DTNA: variants seen among roughly 807,000 people sequenced by gnomAD.
DTNA encodes dystrobrevin alpha.
Under a neutral mutation model 100.7 loss-of-function variants are expected in DTNA, and 43 were observed. The ratio of observed to expected loss-of-function variants is 0.43; its 90% CI spans 0.33 to 0.55. The LOEUF (loss-of-function observed/expected upper bound fraction) is 0.55. Among genes scored for constraint, DTNA ranks in the 20% least tolerant of loss-of-function variants. The pLI is 0.04. For synonymous variants in DTNA, 349 were observed against 347.9 expected (o/e 1.00, Z -0.04); for missense variants, 798 against 953.9 (o/e 0.84, Z 2.15).
intron 1 of DTNA, among the ~76,000 whole-genome samples, chr18:34,499,141 C>T (rs1483462949): frequency 6.6e-6 from 1 of 152,182 alleles, no homozygotes; most frequent in Non-Finnish European, 1.5e-5. Flanking sequence ...AACTACCACC[C>T]ACCTCCAACC....
At chr18:34,628,083 G>A (rs895994632) in intron 1 of DTNA, among the ~76,000 whole-genome samples, 4 of 152,066 alleles carry the variant, frequency 2.6e-5, no homozygotes, top group Non-Finnish European at 5.9e-5. Context: ...GAGCCACTGC[G>A]CCTGGCACAA....
intron 1 of DTNA, among the ~76,000 whole-genome samples, chr18:34,626,391 A>T (rs777570479): frequency 6.6e-6 from 1 of 152,136 alleles, no homozygotes; most frequent in Non-Finnish European, 1.5e-5. Context: ...AGAAAGATTT[A>T]TGTCCAAAAA....
chr18:34,832,245 T>C (rs1020711215), intron 11 of DTNA, among the ~76,000 whole-genome samples: 2 of 152,234 alleles, frequency 1.3e-5, no homozygotes, highest in African/African-American at 4.8e-5. Context: ...TTTCTCATTC[T>C]TTTCAAACTT....
intron 15 of DTNA, 64 bp downstream of exon 15, chr18:34,851,992 C>A: frequency 3.9e-6 from 6 of 1,545,124 alleles, no homozygotes; most frequent in South Asian, 2.3e-5. Context: ...AAACTATGGT[C>A]GTGCTTTAAA....
At chr18:34,657,236 A>G (rs2074517454) in intron 1 of DTNA, among the ~76,000 whole-genome samples, 1 of 152,212 alleles carries the variant, frequency 6.6e-6, no homozygotes, top group Non-Finnish European at 1.5e-5. Context: ...GTCCATTGGA[A>G]TCAGATAATG....
At chr18:34,700,876 C>G (rs1001876446) in intron 1 of DTNA, among the ~76,000 whole-genome samples, 13 of 152,308 alleles carry the variant, frequency 8.5e-5, no homozygotes, top group African/African-American at 3.1e-4. Context: ...AGATAGACTC[C>G]CTCTTCCTTA....
At chr18:34,699,599 G>GC (rs1234596639) in intron 1 of DTNA, among the ~76,000 whole-genome samples, 3 of 152,148 alleles carry the variant, frequency 2.0e-5, no homozygotes, top group Non-Finnish European at 4.4e-5. Context: ...AATACACAAT[G>GC]CCCCGCAGAC....
intron 1 of DTNA, among the ~76,000 whole-genome samples, chr18:34,577,146 G>A (rs922323797): frequency 2.6e-5 from 4 of 152,052 alleles, no homozygotes; most frequent in African/African-American, 9.7e-5. Flanking sequence ...CATTTTAGCT[G>A]TATGTATTTG....
chr18:34,818,341 G>A lies in DTNA; in HGVS notation c.876+11G>A, dbSNP rs1467230855. The A allele has an allele frequency of 1.9e-6, 3 of 1,613,238 alleles. No homozygotes were observed. In the Admixed American group the frequency reaches 5.0e-5, roughly 27 times the overall value. On this transcript the variant is annotated intron_variant, in intron 8 of 22. Coordinates refer to ENST00000444659, the MANE Select transcript of DTNA (RefSeq NM_001386795.1). ...GAGTACACGTCATGGGTAAGGCAAG[G>A]TCCAGGCAATACTTGGAGTTGGATG...
intron 1 of DTNA, among the ~76,000 whole-genome samples, chr18:34,668,780 G>A (rs1458057971): frequency 6.6e-6 from 1 of 152,006 alleles, no homozygotes; most frequent in African/African-American, 2.4e-5. Context: ...ATTGCACTGT[G>A]GTCTGAGAGA....
At chr18:34,542,535 A>G (rs16965408) in intron 1 of DTNA, among the ~76,000 whole-genome samples, 11,868 of 152,124 alleles carry the variant, frequency 0.078, 501 homozygotes, top group South Asian at 0.11. Context: ...CTACACTGCC[A>G]AAGTGTTTCA....
rs191331913 is a variant in DTNA at position 34,516,416 on chromosome 18, A to G, written c.-2+22902A>G. 2.1e-3 allele frequency among the ~76,000 whole-genome samples: 318 copies of G among 152,164 alleles called. 7 individuals carry two copies. The highest frequency in any genetic ancestry group is 0.017 in the Admixed American group (255 of 15,234). On this transcript the variant is annotated intron_variant, in intron 1 of 19. Transcript: ENST00000283365. The stretch of plus-strand genomic sequence containing the variant: ...TTTCATGTCCCACTGGGCACGCGTT[A>G]TCATTGATAACATCTTATCAGGAGA...
intron 1 of DTNA, among the ~76,000 whole-genome samples, chr18:34,570,427 G>T (rs1369993779): frequency 6.6e-6 from 1 of 152,056 alleles, no homozygotes; most frequent in Non-Finnish European, 1.5e-5. Context: ...TTACTACATT[G>T]TGAACTCTTT....
chr18:34,874,577 T>C (rs1034547011), intron 17 of DTNA, among the ~76,000 whole-genome samples: 5 of 152,232 alleles, frequency 3.3e-5, no homozygotes, highest in Non-Finnish European at 5.9e-5. Context: ...TGCTTTTTCA[T>C]AGGAGAAGAG....
intron 15 of DTNA, among the ~76,000 whole-genome samples, chr18:34,854,870 A>G (rs2096534258): frequency 6.6e-6 from 1 of 152,194 alleles, no homozygotes; most frequent in Non-Finnish European, 1.5e-5. Context: ...CATTTAAAGT[A>G]CATGTGTACA....
chr18:34,766,176 G>A, intron 3 of DTNA, 135 bp downstream of exon 3: 2 of 1,028,152 alleles, frequency 1.9e-6, no homozygotes, highest in Non-Finnish European at 1.5e-6. Context: ...AATAAAAGGG[G>A]TATTATGAGG....
intron 1 of DTNA, among the ~76,000 whole-genome samples, chr18:34,600,212 AT>A (rs950866166): frequency 2.0e-5 from 3 of 152,136 alleles, no homozygotes; most frequent in African/African-American, 4.8e-5. Context: ...TCAAATGTGT[AT>A]TTTTTATTAC....
chr18:34,506,827 A>G (rs2461350), intron 1 of DTNA, among the ~76,000 whole-genome samples: 151,732 of 152,260 alleles, frequency 1, 75,608 homozygotes, highest in Middle Eastern at 1. Context: ...TTTATTTAAT[A>G]TATAAAATAC....
intron 3 of DTNA, among the ~76,000 whole-genome samples, chr18:34,790,047 A>G (rs1007500644): frequency 6.6e-6 from 1 of 152,238 alleles, no homozygotes; most frequent in Non-Finnish European, 1.5e-5. Flanking sequence ...CTTCATGACT[A>G]TGCCTTATTG....
Sources: allele counts gnomAD v4.1 joint callset (sites outside exome capture counted in the v4.1 genomes callset), GRCh38; gene constraint gnomAD v4.1.1; transcripts MANE v1.5; gene names NCBI Gene and HGNC (gene_info 2026-07-23, HGNC 2026-07-21).